MEGF6: variants seen among roughly 807,000 people sequenced by gnomAD.
MEGF6 encodes multiple EGF like domains 6, also known as multiple epidermal growth factor-like domains protein 6.
MEGF6 carries 184 observed loss-of-function variants against 207.1 expected under a neutral mutation model. The observed-to-expected ratio is 0.89, with a 90% CI of 0.79 to 1.00. The LOEUF (loss-of-function observed/expected upper bound fraction) is 1.00, where lower values mean the gene tolerates loss of function less well. Among genes scored for constraint, MEGF6 ranks in the 50% least tolerant of loss-of-function variants. MEGF6 has a pLI of 0.00. For missense variants in MEGF6, 2,282 were observed against 2,202.9 expected (o/e 1.04, Z -0.72); for synonymous variants, 1,038 against 910.0 (o/e 1.14, Z -2.53).
intron 5 of MEGF6, among the ~76,000 whole-genome samples, chr1:3,520,262 G>T (rs1641694808): frequency 6.6e-6 from 1 of 152,240 alleles, no homozygotes; most frequent in Non-Finnish European, 1.5e-5. Flanking sequence ...GGGGTCATGC[G>T]CGGGCATCAT....
chr1:3,595,791 C>T (rs1471660256), intron 2 of MEGF6, among the ~76,000 whole-genome samples: 1 of 152,176 alleles, frequency 6.6e-6, no homozygotes, highest in Non-Finnish European at 1.5e-5. Context: ...TCACCGCTCA[C>T]TCGGCTCTCA....
chr1:3,570,673 G>C (rs1329991329), intron 4 of MEGF6, among the ~76,000 whole-genome samples: 2 of 152,132 alleles, frequency 1.3e-5, no homozygotes, highest in Admixed American at 1.3e-4. Flanking sequence ...AGACCACATG[G>C]GCCTGGGAAT....
At chr1:3,564,245 G>A (rs920229222) in intron 4 of MEGF6, among the ~76,000 whole-genome samples, 1 of 151,940 alleles carries the variant, frequency 6.6e-6, no homozygotes, top group Admixed American at 6.6e-5. Flanking sequence ...GCTGAGTCAG[G>A]GGTGCAGGTG....
intron 17 of MEGF6, among the ~76,000 whole-genome samples, chr1:3,504,224 T>C (rs1405919636): frequency 6.6e-6 from 1 of 152,162 alleles, no homozygotes; most frequent in Admixed American, 6.5e-5. Flanking sequence ...CAGGCCCTCG[T>C]GGCTCCCGTC....
At chr1:3,535,593 C>G (rs1427671340) in intron 4 of MEGF6, among the ~76,000 whole-genome samples, 3 of 151,882 alleles carry the variant, frequency 2.0e-5, no homozygotes, top group Non-Finnish European at 2.9e-5. Flanking sequence ...CACCCGCCCA[C>G]CTCCCCTCTG....
At chr1:3,616,552 CG>C in the MEGF6 span, among the ~76,000 whole-genome samples, 1 of 151,932 alleles carries the variant, frequency 6.6e-6, no homozygotes, top group African/African-American at 2.4e-5. Flanking sequence ...TGGCCAGAGA[CG>C]GGGGTGAGAG....
chr1:3,613,409 C>A (rs1486617453), upstream of MEGF6, among the ~76,000 whole-genome samples: 1 of 152,222 alleles, frequency 6.6e-6, no homozygotes, highest in African/African-American at 2.4e-5. Flanking sequence ...AATGGCTTCC[C>A]CATCTTTACA....
chr1:3,507,243 G>A (rs1318890822), intron 14 of MEGF6, among the ~76,000 whole-genome samples: 1 of 152,224 alleles, frequency 6.6e-6, no homozygotes, highest in African/African-American at 2.4e-5. Flanking sequence ...TTTATGATAC[G>A]TTAGCTGCAC....
intron 5 of MEGF6, among the ~76,000 whole-genome samples, chr1:3,520,587 G>C (rs866922776): frequency 2.3e-4 from 35 of 152,058 alleles, no homozygotes; most frequent in African/African-American, 8.0e-4. Context: ...GGACTGAGCG[G>C]CCGGGGCAAT....
At position 3,498,482 on chromosome 1, in the gene MEGF6, C is replaced by A; in HGVS notation, c.3241G>T (p.Val1081Phe). Residue 1081 changes from valine (V) to phenylalanine (F), a missense_variant, in exon 26 of 37, where the codon GTC becomes TTC. Coordinates refer to ENST00000356575, the MANE Select transcript of MEGF6 (RefSeq NM_001409.4). The part of the protein sequence containing the change: ...ACEKECLPRD[V>F]RAGCRHSGGC... Reference sequence around the variant, plus strand: ...CCGCTGTGCCGGCAGCCAGCTCTGACGTCCCGGGGGAGGCACTCTACAGGA... The same window carrying A: ...CCGCTGTGCCGGCAGCCAGCTCTGAAGTCCCGGGGGAGGCACTCTACAGGA... 1.3e-6 allele frequency: 2 copies of A among 1,580,054 alleles called. No homozygotes were observed. The highest frequency in any genetic ancestry group is 2.3e-5 in the South Asian group (2 of 87,668).
At chr1:3,567,781 C>A (rs1643388876) in intron 4 of MEGF6, among the ~76,000 whole-genome samples, 1 of 152,224 alleles carries the variant, frequency 6.6e-6, no homozygotes, top group African/African-American at 2.4e-5. Context: ...CTCCACCGAC[C>A]TGTCCTCCGG....
rs778432369 is a variant in MEGF6, at chr1:3,501,071, G to A, written c.2470C>T (p.Pro824Ser). ...CAAGAGCACCTTGTCTGGCAGCTGG[G>A]ACCATACCAGCCTGCTGGGCACACT... ...QDVCPAGWYGPSCQTRCSCAN... is the reference protein window; with the variant it reads ...QDVCPAGWYGSSCQTRCSCAN... Residue 824 changes from proline (P) to serine (S), a missense_variant, in exon 20 of 37, where the codon CCC (proline) becomes TCC (serine). Coordinates refer to ENST00000356575, the MANE Select transcript of MEGF6 (RefSeq NM_001409.4). 57 of 1,612,626 alleles carry A rather than the reference G, an allele frequency of 3.5e-5. No homozygotes were observed. Among genetic ancestry groups the A allele is most frequent in the Non-Finnish European group, 4.2e-5 (49 of 1,179,944 alleles).
chr1:3,561,385 A>ATGGTGT (rs1643196297), intron 4 of MEGF6, among the ~76,000 whole-genome samples: 1 of 152,228 alleles, frequency 6.6e-6, no homozygotes, highest in South Asian at 2.1e-4. Flanking sequence ...ACAGGACCCC[A>ATGGTGT]GGGTGAAGAA....
chr1:3,519,855 G>A (rs955890821), intron 5 of MEGF6, among the ~76,000 whole-genome samples: 2 of 152,258 alleles, frequency 1.3e-5, no homozygotes, highest in Non-Finnish European at 2.9e-5. Flanking sequence ...GGCCTGGGTA[G>A]GGAAGAGTCT....
chr1:3,541,769 G>A (rs577382738), intron 4 of MEGF6, among the ~76,000 whole-genome samples: 58 of 152,238 alleles, frequency 3.8e-4, no homozygotes, highest in African/African-American at 8.4e-4. Flanking sequence ...GAGAGTGGGC[G>A]GGGATGGGTG....
chr1:3,561,175 A>G (rs1351594543), intron 4 of MEGF6, among the ~76,000 whole-genome samples: 3 of 152,132 alleles, frequency 2.0e-5, no homozygotes, highest in Non-Finnish European at 4.4e-5. Flanking sequence ...GGCTGATGGA[A>G]GGGGGAGATG....
intron 35 of MEGF6, 36 bp from the exon 36 acceptor site, chr1:3,490,995 C>T: frequency 1.3e-6 from 2 of 1,551,978 alleles, no homozygotes. Context: ...GTTAGTACCC[C>T]CAGCCTTGAG....
chr1:3,600,099 C>T (rs1016978635), intron 2 of MEGF6, among the ~76,000 whole-genome samples: 6 of 152,130 alleles, frequency 3.9e-5, no homozygotes, highest in African/African-American at 7.2e-5. Flanking sequence ...TGGGCTGCAG[C>T]GCCAGGAGCC....
rs186194369 is a variant in MEGF6 at position 3,544,434 on chromosome 1, C to T, written c.482-20188G>A. 6.7e-3 allele frequency among the ~76,000 whole-genome samples: 1,014 copies of T among 151,506 alleles called. 13 individuals carry two copies. The highest frequency in any genetic ancestry group is 0.022 in the African/African-American group (919 of 40,860). On this transcript the variant is annotated intron_variant, in intron 4 of 36. Coordinates refer to ENST00000356575, the MANE Select transcript of MEGF6 (RefSeq NM_001409.4). Reference sequence around the variant, plus strand: ...AGCACAGCCTTTGTGCAGGGGCCCTCGGGGGCCTCTCCGTTGGCTTCCCTG... The same window carrying T: ...AGCACAGCCTTTGTGCAGGGGCCCTTGGGGGCCTCTCCGTTGGCTTCCCTG...
Sources: allele counts gnomAD v4.1 joint callset (sites outside exome capture counted in the v4.1 genomes callset), GRCh38; gene constraint gnomAD v4.1.1; transcripts MANE v1.5; gene names NCBI Gene and HGNC (gene_info 2026-07-23, HGNC 2026-07-21).